CADM1: variants seen among roughly 807,000 people sequenced by gnomAD.
The protein encoded by CADM1 is cell adhesion molecule 1, also known as TSLC-1.
CADM1 carries 15 observed loss-of-function variants against 53.1 expected under a neutral mutation model. The ratio of observed to expected loss-of-function variants is 0.28; its 90% CI spans 0.19 to 0.44. CADM1 has a LOEUF of 0.44. Among genes scored for constraint, CADM1 ranks in the 20% least tolerant of loss-of-function variants. The pLI, the probability that CADM1 is intolerant of heterozygous loss-of-function variation, is 1.00. For synonymous variants in CADM1, 281 were observed against 243.0 expected, an observed-to-expected ratio of 1.16 and a Z score of -1.45; for missense variants, 434 against 611.3, an observed-to-expected ratio of 0.71 and a Z score of 3.06.
Position 115,175,335 on chromosome 11 carries a change from T to C in CADM1, c.*1139A>G. 1 of 982,050 alleles carries C rather than the reference T, an allele frequency of 1.0e-6. No individual in the cohort carries two copies. Among genetic ancestry groups the C allele is most frequent in the African/African-American group, 1.8e-5 (1 of 56,124 alleles). The allele number at this position is 982,050 out of a possible 1,614,324, so 60.8% of individuals were successfully genotyped here. A position where few individuals can be genotyped will look rare whatever the true frequency, so the allele number is the denominator to read the frequency against. The stretch of plus-strand genomic sequence containing the variant: ...ACAAATATCTGTAATATACAGTACA[T>C]GCAGGCCACATCCTACTGCCTTCCT... On this transcript the variant is annotated 3_prime_UTR_variant, in exon 12 of 12. Transcript: ENST00000331581.
intron 1 of CADM1, among the ~76,000 whole-genome samples, chr11:115,443,971 T>C (rs1417903647): frequency 6.6e-6 from 1 of 152,208 alleles, no homozygotes; most frequent in Non-Finnish European, 1.5e-5. Context: ...TTTTTGTGTG[T>C]CCTATATTTC....
chr11:115,184,392 ATATGT>A (rs1425400703), intron 10 of CADM1, among the ~76,000 whole-genome samples: 1 of 152,170 alleles, frequency 6.6e-6, no homozygotes, highest in African/African-American at 2.4e-5. Flanking sequence ...GCTAATCCTA[ATATGT>A]TATTCTTCTT....
intron 8 of CADM1, among the ~76,000 whole-genome samples, chr11:115,208,845 G>A (rs922478538): frequency 1.3e-5 from 2 of 152,098 alleles, no homozygotes; most frequent in Non-Finnish European, 2.9e-5. Flanking sequence ...TGCCAGGAAG[G>A]GCTGGATGGC....
At chr11:115,486,136 A>AT (rs1949368348) in intron 1 of CADM1, among the ~76,000 whole-genome samples, 3 of 152,070 alleles carry the variant, frequency 2.0e-5, no homozygotes, top group Admixed American at 2.0e-4. Context: ...CACTGCCCTA[A>AT]TTCAAGTTTT....
intron 8 of CADM1, chr11:115,207,227 T>C (rs958628457): frequency 2.6e-5 from 4 of 152,158 alleles, no homozygotes; most frequent in African/African-American, 9.7e-5. Context: ...ACCACAAATG[T>C]ATTTTGTGCG....
chr11:115,343,053 G>C (rs758992468), intron 1 of CADM1, among the ~76,000 whole-genome samples: 2 of 152,162 alleles, frequency 1.3e-5, no homozygotes, highest in Non-Finnish European at 2.9e-5. Flanking sequence ...TGAAGATTAT[G>C]ATGGTAATAA....
intron 1 of CADM1, among the ~76,000 whole-genome samples, chr11:115,307,655 A>ACAT (rs554312094): frequency 6.6e-6 from 1 of 151,972 alleles, no homozygotes; most frequent in East Asian, 1.9e-4. Flanking sequence ...CTGCTGTTGC[A>ACAT]CATCAGTCTT....
At chr11:115,192,927 G>T (rs905907153) in intron 9 of CADM1, among the ~76,000 whole-genome samples, 18 of 152,144 alleles carry the variant, frequency 1.2e-4, no homozygotes, top group African/African-American at 4.1e-4. Flanking sequence ...TCTAAAGCAG[G>T]AAGCCATTTA....
intron 8 of CADM1, among the ~76,000 whole-genome samples, chr11:115,201,482 G>A (rs1940426226): frequency 6.6e-6 from 1 of 152,174 alleles, no homozygotes; most frequent in Admixed American, 6.5e-5. Context: ...GCAACTCTGT[G>A]AGGCAGGATT....
intron 1 of CADM1, among the ~76,000 whole-genome samples, chr11:115,305,709 T>A (rs1196067392): frequency 6.6e-6 from 1 of 151,822 alleles, no homozygotes; most frequent in Non-Finnish European, 1.5e-5. Context: ...GAGATTTTTT[T>A]AGGATGGGCA....
At chr11:115,410,299 G>T (rs918026904) in intron 1 of CADM1, among the ~76,000 whole-genome samples, 4 of 152,180 alleles carry the variant, frequency 2.6e-5, no homozygotes, top group African/African-American at 9.7e-5. Flanking sequence ...AATTATGTGG[G>T]TAAAGGACAC....
chr11:115,504,326 C>A lies in CADM1; in HGVS notation c.69G>T (p.Gly23=). ...GCAACAGCAGAAGCCGGAGCCGGAGCCCGGGAGGCGCCGCCGCCGCCGCTG... is the reference window on the plus strand; with the variant it reads ...GCAACAGCAGAAGCCGGAGCCGGAGACCGGGAGGCGCCGCCGCCGCCGCTG... ...AAAAAAAAPP[G]LRLRLLLLLF... is the part of the protein sequence containing the mutation. Residue 23 remains glycine, a synonymous_variant, in exon 1 of 12, where the codon GGG becomes GGT. Transcript: ENST00000331581. 1 of 1,552,896 alleles carries A rather than the reference C, an allele frequency of 6.4e-7. No homozygotes were observed. The highest frequency in any genetic ancestry group is 8.7e-7 in the Non-Finnish European group (1 of 1,148,662).
chr11:115,326,937 C>A (rs1167334286), intron 1 of CADM1, among the ~76,000 whole-genome samples: 1 of 152,096 alleles, frequency 6.6e-6, no homozygotes, highest in Non-Finnish European at 1.5e-5. Flanking sequence ...TTAAAACTTA[C>A]CACCGGGCTA....
chr11:115,276,170 T>A (rs1239425085), intron 1 of CADM1, among the ~76,000 whole-genome samples: 1 of 152,258 alleles, frequency 6.6e-6, no homozygotes, highest in Non-Finnish European at 1.5e-5. Context: ...TAATTTCGCA[T>A]CTCTACAATT....
At chr11:115,269,637 T>C (rs1365889481) in intron 1 of CADM1, among the ~76,000 whole-genome samples, 1 of 151,902 alleles carries the variant, frequency 6.6e-6, no homozygotes, top group South Asian at 2.1e-4. Context: ...GAGGACAGGG[T>C]TGGAGCTTCA....
At chr11:115,396,421 A>T (rs1225063988) in intron 1 of CADM1, among the ~76,000 whole-genome samples, 2 of 152,218 alleles carry the variant, frequency 1.3e-5, no homozygotes, top group Non-Finnish European at 2.9e-5. Flanking sequence ...GTTGAGCTAC[A>T]TAACATTTTT....
chr11:115,192,219 A>C (rs1250706696), intron 9 of CADM1, among the ~76,000 whole-genome samples: 1 of 152,246 alleles, frequency 6.6e-6, no homozygotes, highest in African/African-American at 2.4e-5. Flanking sequence ...ATTGATAGCC[A>C]GGTCAATTCT....
intron 1 of CADM1, among the ~76,000 whole-genome samples, chr11:115,458,393 G>A (rs1193318247): frequency 1.3e-5 from 2 of 151,914 alleles, no homozygotes; most frequent in African/African-American, 2.4e-5. Context: ...GATAATAGTA[G>A]ACACTAGAAT....
intron 1 of CADM1, among the ~76,000 whole-genome samples, chr11:115,475,497 GC>G (rs1949111590): frequency 6.6e-6 from 1 of 152,146 alleles, no homozygotes; most frequent in South Asian, 2.1e-4. Flanking sequence ...TACTCGTATC[GC>G]CAAAAACTGT....
Sources: allele counts gnomAD v4.1 joint callset (sites outside exome capture counted in the v4.1 genomes callset), GRCh38; gene constraint gnomAD v4.1.1; transcripts MANE v1.5; gene names NCBI Gene and HGNC (gene_info 2026-07-23, HGNC 2026-07-21).